FAM227B: variants seen among roughly 807,000 people sequenced by gnomAD.
FAM227B encodes family with sequence similarity 227 member B, also known as protein FAM227B.
Under a neutral mutation model 73.8 loss-of-function variants are expected in FAM227B, and 88 were observed. The ratio of observed to expected loss-of-function variants is 1.19; its 90% CI spans 1.00 to 1.42. The LOEUF is 1.42. Ranked by LOEUF, FAM227B falls within the 40% of genes most tolerant of loss-of-function variation. FAM227B has a pLI of 0.00. For synonymous variants in FAM227B, 210 were observed against 190.5 expected (o/e 1.10, Z -0.84); for missense variants, 632 against 590.9 (o/e 1.07, Z -0.72).
intron 9 of FAM227B, among the ~76,000 whole-genome samples, chr15:49,555,176 G>A (rs1023583995): frequency 6.6e-6 from 1 of 152,098 alleles, no homozygotes; most frequent in Non-Finnish European, 1.5e-5. Context: ...TAATGTTGTT[G>A]GTTTAGTGGC....
chr15:49,387,413 T>C (rs964904690), intron 11 of FAM227B, among the ~76,000 whole-genome samples: 1 of 151,844 alleles, frequency 6.6e-6, no homozygotes, highest in African/African-American at 2.4e-5. Flanking sequence ...TCCCAATAGA[T>C]GCAGAAAAAG....
intron 10 of FAM227B, among the ~76,000 whole-genome samples, chr15:49,525,444 T>C (rs1421430899): frequency 6.6e-6 from 1 of 151,908 alleles, no homozygotes; most frequent in East Asian, 1.9e-4. Flanking sequence ...CTTTTTCCTG[T>C]ATGAATTACC....
intron 11 of FAM227B, among the ~76,000 whole-genome samples, chr15:49,389,007 A>T (rs1359185122): frequency 6.6e-6 from 1 of 152,000 alleles, no homozygotes; most frequent in East Asian, 1.9e-4. Context: ...GTTGGCATGG[A>T]TGTGGGAAAA....
chr15:49,367,589 C>G lies in FAM227B; in HGVS notation c.1130G>C (p.Gly377Ala). 1 of 1,596,252 alleles carries G rather than the reference C, an allele frequency of 6.3e-7. No individual in the cohort carries two copies. The highest frequency in any genetic ancestry group is 8.5e-7 in the Non-Finnish European group (1 of 1,175,954). Residue 377 changes from glycine to alanine, a missense_variant, in exon 13 of 16, where the codon GGT becomes GCT. Coordinates refer to ENST00000299338, the MANE Select transcript of FAM227B (RefSeq NM_152647.3). ...LATKSHYSST[G>A]PEFNRVLFNF... The stretch of plus-strand genomic sequence containing the variant: ...GAAGAGAACACGATTAAACTCTGGA[C>G]CAGTACTACTATAGTGCGACTGTAA...
At chr15:49,454,198 A>G (rs906046205) in intron 11 of FAM227B, among the ~76,000 whole-genome samples, 4 of 152,200 alleles carry the variant, frequency 2.6e-5, no homozygotes, top group African/African-American at 9.6e-5. Flanking sequence ...GCATTTTATC[A>G]TCAGAAATAC....
intron 10 of FAM227B, among the ~76,000 whole-genome samples, chr15:49,541,168 T>C (rs2071014801): frequency 6.6e-6 from 1 of 152,136 alleles, no homozygotes. Context: ...TTTTAAACTC[T>C]AGTACTTAAA....
intron 12 of FAM227B, 84 bp downstream of exon 12, chr15:49,371,218 T>G: frequency 1.5e-6 from 1 of 671,346 alleles, no homozygotes; most frequent in Non-Finnish European, 2.6e-6. Context: ...GTAACCAGCA[T>G]TGCCTATGTA....
chr15:49,509,884 C>T (rs1425944219), intron 10 of FAM227B, among the ~76,000 whole-genome samples: 2 of 152,012 alleles, frequency 1.3e-5, no homozygotes, highest in Non-Finnish European at 2.9e-5. Context: ...TATTTGGTAA[C>T]TTACATATAT....
chr15:49,519,166 A>G (rs969201155), intron 10 of FAM227B, among the ~76,000 whole-genome samples: 2 of 152,178 alleles, frequency 1.3e-5, no homozygotes, highest in Non-Finnish European at 2.9e-5. Context: ...GATGCAAGAG[A>G]TGGGCTCCCA....
intron 9 of FAM227B, among the ~76,000 whole-genome samples, chr15:49,549,530 T>C (rs1286854470): frequency 6.6e-6 from 1 of 152,022 alleles, no homozygotes; most frequent in Non-Finnish European, 1.5e-5. Flanking sequence ...TGGTGATGAC[T>C]CTTAACGAGC....
At chr15:49,532,122 T>C (rs566924128) in intron 10 of FAM227B, among the ~76,000 whole-genome samples, 2 of 150,780 alleles carry the variant, frequency 1.3e-5, no homozygotes, top group African/African-American at 4.8e-5. Flanking sequence ...AGATAAATGA[T>C]AACAGATATT....
intron 5 of FAM227B, among the ~76,000 whole-genome samples, chr15:49,585,485 A>T (rs1489079927): frequency 6.6e-6 from 1 of 152,244 alleles, no homozygotes. Flanking sequence ...AATGTGGCAC[A>T]TATACACCAT....
chr15:49,392,089 G>T (rs2047248647), intron 11 of FAM227B, among the ~76,000 whole-genome samples: 1 of 152,062 alleles, frequency 6.6e-6, no homozygotes, highest in Non-Finnish European at 1.5e-5. Flanking sequence ...GACCAAATGA[G>T]ATGATAAAAC....
intron 9 of FAM227B, among the ~76,000 whole-genome samples, chr15:49,542,260 G>T (rs1353565430): frequency 6.6e-6 from 1 of 152,056 alleles, no homozygotes; most frequent in Non-Finnish European, 1.5e-5. Flanking sequence ...GAGAAAGTAA[G>T]TCTGAGTCAC....
At position 49,427,910 on chromosome 15, in the gene FAM227B, T is replaced by A. The variant is rs556578659; in HGVS notation, c.1013-56511A>T. On this transcript the variant is annotated intron_variant, in intron 11 of 15. Coordinates refer to ENST00000299338, the MANE Select transcript of FAM227B (RefSeq NM_152647.3). ...CATGTCTCATAACTTTAGGGAATTT[T>A]AAAAAATTACTTAAGCTATCCTGGA... Among the ~76,000 whole-genome samples, 5 of 152,168 alleles carry A rather than the reference T, an allele frequency of 3.3e-5. No homozygotes were observed. In the East Asian group the frequency reaches 9.7e-4, roughly 30 times the overall value.
Position 49,414,909 on chromosome 15 carries a change from T to C in FAM227B, c.1013-43510A>G, listed in dbSNP as rs74522715. On this transcript the variant is annotated intron_variant, in intron 11 of 15. Transcript: ENST00000299338. The stretch of plus-strand genomic sequence containing the variant: ...GCTTGAAGAGGAGCTTAAGCAGAAG[T>C]ATAAACCTCCTTTCTCATGCATAAG... Among the ~76,000 whole-genome samples the C allele has an allele frequency of 2.7e-4, 41 of 152,270 alleles. 1 individual carries two copies. The East Asian group carries it at 7.3e-3, about 27-fold the overall frequency.
At position 49,377,766 on chromosome 15, in the gene FAM227B, G is replaced by C. The variant is rs561543357; in HGVS notation, c.1013-6367C>G. The stretch of plus-strand genomic sequence containing the variant: ...TATATACCCTGGTTATTAATCCCTT[G>C]TCAGATAAGTAGTTTGCAAATATTT... On this transcript the variant is annotated intron_variant, in intron 11 of 15. Transcript: ENST00000299338. Among the ~76,000 whole-genome samples, 16 of 152,176 alleles carry C rather than the reference G, an allele frequency of 1.1e-4. No individual in the cohort carries two copies. The South Asian group carries it at 3.3e-3, about 32-fold the overall frequency.
intron 11 of FAM227B, among the ~76,000 whole-genome samples, chr15:49,489,731 C>T (rs1442262554): frequency 1.4e-5 from 2 of 143,188 alleles, no homozygotes; most frequent in East Asian, 4.0e-4. Flanking sequence ...TAGGTACACA[C>T]TGGTATCCCC....
chr15:49,511,323 G>A (rs951568523), intron 10 of FAM227B, among the ~76,000 whole-genome samples: 1 of 152,006 alleles, frequency 6.6e-6, no homozygotes, highest in South Asian at 2.1e-4. Flanking sequence ...AAGAACCTTA[G>A]CTATCATCTT....
Sources: gnomAD v4.1 joint callset for allele counts (sites outside exome capture counted in the v4.1 genomes callset) on GRCh38, gnomAD v4.1.1 for gene constraint, MANE v1.5 for transcripts, NCBI Gene and HGNC (gene_info 2026-07-23, HGNC 2026-07-21) for gene names.